KCNH7: variants seen among roughly 807,000 people sequenced by gnomAD.
The protein encoded by KCNH7 is voltage-gated inwardly rectifying potassium channel KCNH7.
A neutral mutation model predicts 120.8 loss-of-function variants in KCNH7; 49 were observed. The observed-to-expected ratio is 0.41, with a 90% CI of 0.32 to 0.51. The LOEUF (loss-of-function observed/expected upper bound fraction) is 0.51, where lower values mean the gene tolerates loss of function less well. KCNH7 is among the 20% of genes least tolerant of loss of function. KCNH7 has a pLI of 0.38. For synonymous variants in KCNH7, 547 were observed against 516.1 expected (o/e 1.06, Z -0.81); for missense variants, 1,097 against 1,446.6 (o/e 0.76, Z 3.92).
intron 4 of KCNH7, among the ~76,000 whole-genome samples, chr2:162,515,908 C>T (rs898788680): frequency 2.0e-5 from 3 of 151,784 alleles, no homozygotes; most frequent in African/African-American, 7.2e-5. Context: ...TTCCTTTCAC[C>T]TCTTCTGCCT....
chr2:162,469,469 T>C (rs1689421658), intron 6 of KCNH7, among the ~76,000 whole-genome samples: 1 of 152,190 alleles, frequency 6.6e-6, no homozygotes, highest in South Asian at 2.1e-4. Context: ...CTGTGGGCCA[T>C]CTAGGGATCT....
At chr2:162,765,294 A>G (rs560893957) in intron 2 of KCNH7, among the ~76,000 whole-genome samples, 54 of 152,342 alleles carry the variant, frequency 3.5e-4, no homozygotes, top group African/African-American at 1.3e-3. Flanking sequence ...CCAAAAATGC[A>G]TACACATATA....
intron 11 of KCNH7, among the ~76,000 whole-genome samples, chr2:162,395,004 A>G (rs747581430): frequency 1.6e-4 from 24 of 151,848 alleles, no homozygotes; most frequent in Non-Finnish European, 3.5e-4. Context: ...CTCCCACTTA[A>G]TTAATGGTAA....
At position 162,716,796 on chromosome 2, in the gene KCNH7, C is replaced by A. The variant is rs141449134; in HGVS notation, c.307+119741G>T. 5.9e-4 allele frequency among the ~76,000 whole-genome samples: 90 copies of A among 152,138 alleles called. 1 individual carries two copies. The highest frequency in any genetic ancestry group is 2.1e-3 in the African/African-American group (89 of 41,522). On this transcript the variant is annotated intron_variant, in intron 2 of 15. Coordinates refer to ENST00000332142, the MANE Select transcript of KCNH7 (RefSeq NM_033272.4). ...ATAAAATATGATCAAACATTTACCA[C>A]AATATTAAATCACTGGAAATAGTTC...
intron 2 of KCNH7, among the ~76,000 whole-genome samples, chr2:162,611,148 C>T (rs936019743): frequency 1.3e-5 from 2 of 152,134 alleles, no homozygotes; most frequent in Non-Finnish European, 2.9e-5. Context: ...AATGTGAGAG[C>T]CAGGGGGCCC....
intron 2 of KCNH7, among the ~76,000 whole-genome samples, chr2:162,813,377 C>T (rs528739805): frequency 6.6e-6 from 1 of 152,186 alleles, no homozygotes; most frequent in South Asian, 2.1e-4. Flanking sequence ...TTTGTGTACA[C>T]AATGGTGGTC....
intron 2 of KCNH7, among the ~76,000 whole-genome samples, chr2:162,671,156 G>A (rs1181381342): frequency 6.6e-6 from 1 of 152,036 alleles, no homozygotes; most frequent in Non-Finnish European, 1.5e-5. Context: ...ATGGAAAACA[G>A]CATGGAAATA....
intron 2 of KCNH7, among the ~76,000 whole-genome samples, chr2:162,719,731 T>C (rs1447486233): frequency 2.6e-5 from 4 of 151,954 alleles, no homozygotes; most frequent in African/African-American, 9.7e-5. Flanking sequence ...TTTCAAATTG[T>C]TAGCAATTTT....
At chr2:162,621,548 T>C (rs1683358749) in intron 2 of KCNH7, among the ~76,000 whole-genome samples, 1 of 152,198 alleles carries the variant, frequency 6.6e-6, no homozygotes, top group African/African-American at 2.4e-5. Context: ...CAATTGATTA[T>C]GTACCACTTG....
intron 2 of KCNH7, among the ~76,000 whole-genome samples, chr2:162,729,487 T>C (rs1419540514): frequency 6.6e-6 from 1 of 152,194 alleles, no homozygotes; most frequent in African/African-American, 2.4e-5. Flanking sequence ...AATCAGCTTG[T>C]CAATTGATAT....
At chr2:162,830,325 T>C (rs1231096572) in intron 2 of KCNH7, among the ~76,000 whole-genome samples, 1 of 152,188 alleles carries the variant, frequency 6.6e-6, no homozygotes, top group African/African-American at 2.4e-5. Context: ...AGCAATCAAG[T>C]ATGACTGGAT....
chr2:162,573,904 C>G (rs1234680780), intron 2 of KCNH7, among the ~76,000 whole-genome samples: 1 of 151,582 alleles, frequency 6.6e-6, no homozygotes, highest in Non-Finnish European at 1.5e-5. Context: ...CATATAGTTA[C>G]CAGGAAAAAA....
intron 7 of KCNH7, among the ~76,000 whole-genome samples, chr2:162,439,426 G>A (rs999409507): frequency 6.6e-6 from 1 of 152,010 alleles, no homozygotes; most frequent in South Asian, 2.1e-4. Context: ...AAGGCACTTT[G>A]TTTTCCAGTC....
chr2:162,434,073 T>C (rs1485542794), intron 8 of KCNH7, among the ~76,000 whole-genome samples: 2 of 152,088 alleles, frequency 1.3e-5, no homozygotes, highest in Non-Finnish European at 2.9e-5. Flanking sequence ...AAGCATGTCC[T>C]TTGCAGCAAC....
At chr2:162,589,957 T>A in intron 2 of KCNH7, among the ~76,000 whole-genome samples, 1 of 152,072 alleles carries the variant, frequency 6.6e-6, no homozygotes, top group Non-Finnish European at 1.5e-5. Flanking sequence ...TATTGAGGAA[T>A]GAACTTATGA....
chr2:162,645,123 C>T (rs1454004549), intron 2 of KCNH7, among the ~76,000 whole-genome samples: 1 of 151,998 alleles, frequency 6.6e-6, no homozygotes, highest in Non-Finnish European at 1.5e-5. Flanking sequence ...TACTTTGTTT[C>T]ACCTCTGCTT....
In KCNH7 at chr2:162,807,109, C is replaced by A. The variant is rs1234952840; in HGVS notation, c.307+29428G>T. The stretch of plus-strand genomic sequence containing the variant: ...CCACTAGATACTCTTTTGCAAAAAA[C>A]AAAAACAAACAAAAAACAAGGCTAG... On this transcript the variant is annotated intron_variant, in intron 2 of 15. Coordinates refer to ENST00000332142, the MANE Select transcript of KCNH7 (RefSeq NM_033272.4). Among the ~76,000 whole-genome samples, 6 of 151,020 alleles carry A rather than the reference C, an allele frequency of 4.0e-5. No individual in the cohort carries two copies. The East Asian group carries it at 9.7e-4, about 24-fold the overall frequency.
chr2:162,714,071 G>A (rs1488223794), intron 2 of KCNH7, among the ~76,000 whole-genome samples: 9 of 152,158 alleles, frequency 5.9e-5, no homozygotes, highest in African/African-American at 2.2e-4. Flanking sequence ...TCTAACAGTT[G>A]TAGTTGGAAT....
At chr2:162,646,374 GCTTTCT>G (rs1198481973) in intron 2 of KCNH7, among the ~76,000 whole-genome samples, 3 of 152,090 alleles carry the variant, frequency 2.0e-5, no homozygotes, top group African/African-American at 7.2e-5. Context: ...TTCTTTTACT[GCTTTCT>G]CTTTCTATTC....
Sources: gnomAD v4.1 joint callset for allele counts (sites outside exome capture counted in the v4.1 genomes callset) on GRCh38, gnomAD v4.1.1 for gene constraint, MANE v1.5 for transcripts, NCBI Gene and HGNC (gene_info 2026-07-23, HGNC 2026-07-21) for gene names.